TLK2: variants seen among roughly 807,000 people sequenced by gnomAD.
TLK2 encodes the protein serine/threonine-protein kinase tousled-like 2.
A neutral mutation model predicts 117.3 loss-of-function variants in TLK2; 6 were observed. The ratio of observed to expected loss-of-function variants is 0.05; its 90% confidence interval spans 0.03 to 0.10. TLK2 has a LOEUF of 0.10. Ranked by LOEUF, TLK2 falls within the 10% of genes least tolerant of loss-of-function variation. The pLI is 1.00. For synonymous variants in TLK2, 257 were observed against 316.7 expected, an observed-to-expected ratio of 0.81 and a Z score of 2.00; for missense variants, 299 against 901.2, an observed-to-expected ratio of 0.33 and a Z score of 8.56.
At chr17:62,584,266 G>A (rs1228152095) in intron 15 of TLK2, among the ~76,000 whole-genome samples, 8 of 151,554 alleles carry the variant, frequency 5.3e-5, no homozygotes, top group African/African-American at 1.5e-4. Flanking sequence ...ACAGGTGTCC[G>A]CCACCACACC....
chr17:62,571,785 C>T (rs535647958), intron 11 of TLK2, among the ~76,000 whole-genome samples: 23 of 152,100 alleles, frequency 1.5e-4, no homozygotes, highest in Non-Finnish European at 3.2e-4. Context: ...CGTTCTTCCA[C>T]GAAAGATACT....
chr17:62,563,854 T>C (rs1450755264), intron 10 of TLK2, among the ~76,000 whole-genome samples: 2 of 152,124 alleles, frequency 1.3e-5, no homozygotes, highest in African/African-American at 4.8e-5. Flanking sequence ...TGTTTTGGAG[T>C]AAGAATTCTG....
intron 1 of TLK2, among the ~76,000 whole-genome samples, chr17:62,479,834 G>A (rs544115354): frequency 2.6e-5 from 4 of 152,384 alleles, no homozygotes; most frequent in South Asian, 2.1e-4. Flanking sequence ...TTTGGGAAGT[G>A]TTGCGAGAGA....
chr17:62,525,576 G>A (rs960621541), intron 6 of TLK2, among the ~76,000 whole-genome samples: 2 of 151,786 alleles, frequency 1.3e-5, no homozygotes, highest in Non-Finnish European at 2.9e-5. Flanking sequence ...AACTTCCTGA[G>A]TAGCTCGTAG....
chr17:62,575,641 A>G (rs1200979500), intron 12 of TLK2, among the ~76,000 whole-genome samples: 1 of 152,016 alleles, frequency 6.6e-6, no homozygotes. Context: ...TCACTTGTTC[A>G]TCTTTTTTTC....
chr17:62,603,739 T>G (rs2083045328), intron 19 of TLK2, among the ~76,000 whole-genome samples: 1 of 152,180 alleles, frequency 6.6e-6, no homozygotes, highest in South Asian at 2.1e-4. Context: ...CATTTTACTG[T>G]TCTTTCTGCT....
intron 15 of TLK2, among the ~76,000 whole-genome samples, chr17:62,583,037 G>A (rs899968716): frequency 6.6e-6 from 1 of 151,946 alleles, no homozygotes; most frequent in East Asian, 1.9e-4. Context: ...TGGACACTTG[G>A]GTTGCTTCCA....
At chr17:62,601,935 T>C in intron 18 of TLK2, 107 bp from the exon 19 acceptor site, 1 of 1,000,554 alleles carries the variant, frequency 1.0e-6, no homozygotes, top group East Asian at 2.6e-5. Flanking sequence ...GATGTTTGCT[T>C]TTGCAAGAGT....
chr17:62,554,866 G>A (rs2146249524), intron 9 of TLK2, among the ~76,000 whole-genome samples: 1 of 129,854 alleles, frequency 7.7e-6, no homozygotes. Flanking sequence ...AACAGAGCAA[G>A]ACCCTGCCTC....
At chr17:62,501,064 C>G (rs1483659035) in intron 2 of TLK2, among the ~76,000 whole-genome samples, 5 of 151,936 alleles carry the variant, frequency 3.3e-5, no homozygotes, top group African/African-American at 4.8e-5. Context: ...CGGTGAAACC[C>G]CATCTCTGCT....
chr17:62,574,539 A>G, intron 12 of TLK2: 1 of 622,666 alleles, frequency 1.6e-6, no homozygotes, highest in South Asian at 1.9e-5. Context: ...TTTTTTTGAG[A>G]CGAAGTCTCA....
intron 2 of TLK2, among the ~76,000 whole-genome samples, chr17:62,520,299 G>A (rs559166026): frequency 6.6e-6 from 1 of 152,282 alleles, no homozygotes; most frequent in East Asian, 1.9e-4. Context: ...CCCTGCCTCT[G>A]AGAGTACTTG....
rs573503083 is a variant in TLK2, at chr17:62,528,002, A to G, written c.363+3671A>G. 2.6e-4 allele frequency among the ~76,000 whole-genome samples: 39 copies of G among 152,238 alleles called. No homozygotes were observed. The South Asian group carries it at 7.7e-3, about 30-fold the overall frequency. On this transcript the variant is annotated intron_variant, in intron 6 of 21. Coordinates refer to ENST00000346027, the MANE Select transcript of TLK2 (RefSeq NM_006852.6). Reference sequence around the variant, plus strand: ...GTGATCCGCCCGCCTCGGCCTCCCAAAGTGTTGGGATTACAGGCATGAGTC... The same window carrying G: ...GTGATCCGCCCGCCTCGGCCTCCCAGAGTGTTGGGATTACAGGCATGAGTC...
intron 2 of TLK2, among the ~76,000 whole-genome samples, chr17:62,517,846 C>T (rs1391155504): frequency 6.6e-6 from 1 of 152,044 alleles, no homozygotes; most frequent in African/African-American, 2.4e-5. Context: ...TATTGGTGTG[C>T]ACCATCCCGC....
At chr17:62,490,379 T>A (rs1160807170) in intron 2 of TLK2, among the ~76,000 whole-genome samples, 1 of 152,220 alleles carries the variant, frequency 6.6e-6, no homozygotes, top group East Asian at 1.9e-4. Context: ...TGAAATTTTA[T>A]AAGAGCTGAG....
chr17:62,530,556 A>G (rs2076675404), intron 6 of TLK2, among the ~76,000 whole-genome samples: 1 of 152,134 alleles, frequency 6.6e-6, no homozygotes, highest in African/African-American at 2.4e-5. Flanking sequence ...AAATAAAATA[A>G]TGTCCCCAGA....
chr17:62,497,901 G>A (rs2073851701), intron 2 of TLK2, among the ~76,000 whole-genome samples: 1 of 152,080 alleles, frequency 6.6e-6, no homozygotes, highest in Admixed American at 6.6e-5. Flanking sequence ...TTACCATGTT[G>A]GCCAGGCTGG....
intron 7 of TLK2, among the ~76,000 whole-genome samples, chr17:62,543,155 CTT>C (rs1407324016): frequency 6.6e-6 from 1 of 152,058 alleles, no homozygotes; most frequent in African/African-American, 2.4e-5. Flanking sequence ...ATAGCTTTCT[CTT>C]TGATTATCAT....
intron 2 of TLK2, chr17:62,516,772 G>A: frequency 6.6e-7 from 1 of 1,518,998 alleles, no homozygotes; most frequent in Non-Finnish European, 9.0e-7. Context: ...CAACATCTCT[G>A]CAGCTGCAGG....
Sources: gnomAD v4.1 joint callset for allele counts (sites outside exome capture counted in the v4.1 genomes callset) on GRCh38, gnomAD v4.1.1 for gene constraint, MANE v1.5 for transcripts, NCBI Gene and HGNC (gene_info 2026-07-23, HGNC 2026-07-21) for gene names.